VGLL4: variants seen among roughly 807,000 people sequenced by gnomAD.
VGLL4 encodes vestigial like family member 4.
Under a neutral mutation model 21.0 loss-of-function variants are expected in VGLL4, and 7 were observed. The observed-to-expected ratio is 0.33, with a 90% confidence interval of 0.19 to 0.63. VGLL4 has a LOEUF of 0.63. Ranked by LOEUF, VGLL4 falls within the 20% of genes least tolerant of loss-of-function variation. VGLL4 has a pLI of 0.78. For synonymous variants in VGLL4, 222 were observed against 173.2 expected, an observed-to-expected ratio of 1.28 and a Z score of -2.21; for missense variants, 394 against 425.7, an observed-to-expected ratio of 0.93 and a Z score of 0.66.
chr3:11,610,281 C>A (rs1215896094), intron 1 of VGLL4: 2 of 152,246 alleles, frequency 1.3e-5, no homozygotes, highest in Non-Finnish European at 2.9e-5. Flanking sequence ...ACTTCTTTGT[C>A]TCACGGTCGA....
chr3:11,643,367 G>A (rs1352165258), intron 1 of VGLL4, 70 bp downstream of exon 1: 2 of 1,611,300 alleles, frequency 1.2e-6, no homozygotes, highest in Non-Finnish European at 8.5e-7. Context: ...TTAGAAGGCA[G>A]GCACCCAGCA....
chr3:11,563,997 A>G (rs1280657313), intron 3 of VGLL4, among the ~76,000 whole-genome samples: 2 of 152,174 alleles, frequency 1.3e-5, no homozygotes, highest in Non-Finnish European at 2.9e-5. Flanking sequence ...TTGCAGCTGA[A>G]TGCACAGAGC....
At chr3:11,642,079 G>A (rs1442332757) in intron 1 of VGLL4, among the ~76,000 whole-genome samples, 4 of 151,708 alleles carry the variant, frequency 2.6e-5, no homozygotes, top group Admixed American at 2.6e-4. Flanking sequence ...AATGTCACGG[G>A]AAACAAGCCC....
chr3:11,589,748 G>A (rs1045412985), intron 2 of VGLL4, among the ~76,000 whole-genome samples: 5 of 152,178 alleles, frequency 3.3e-5, no homozygotes, highest in Admixed American at 2.0e-4. Context: ...CGCTTTTCCC[G>A]GCCTAGAGAC....
At chr3:11,717,171 T>C (rs941828268) in intron 1 of VGLL4, among the ~76,000 whole-genome samples, 1 of 151,258 alleles carries the variant, frequency 6.6e-6, no homozygotes, top group African/African-American at 2.5e-5. Flanking sequence ...TTATATATTT[T>C]TGTGCTTTTT....
intron 2 of VGLL4, among the ~76,000 whole-genome samples, chr3:11,572,815 T>C (rs1299648013): frequency 6.6e-6 from 1 of 152,174 alleles, no homozygotes; most frequent in African/African-American, 2.4e-5. Flanking sequence ...CACCACTGCA[T>C]ATGTACCCGT....
intron 1 of VGLL4, among the ~76,000 whole-genome samples, chr3:11,713,568 T>TTATATATATA (rs10690353): frequency 0.02 from 2,792 of 140,130 alleles, 72 homozygotes; most frequent in African/African-American, 0.059. Context: ...TATATATTAT[T>TTATATATATA]TATATATATA....
intron 2 of VGLL4, among the ~76,000 whole-genome samples, chr3:11,690,904 TCAA>T (rs1240670809): frequency 2.0e-5 from 3 of 152,092 alleles, no homozygotes; most frequent in Non-Finnish European, 2.9e-5. Context: ...AGATGCCAAG[TCAA>T]CGAGTATTTC....
At chr3:11,631,099 C>T (rs766061158) in intron 1 of VGLL4, among the ~76,000 whole-genome samples, 4 of 152,176 alleles carry the variant, frequency 2.6e-5, no homozygotes, top group South Asian at 2.1e-4. Flanking sequence ...AGAAACACTA[C>T]GTTAGGCACA....
intron 1 of VGLL4, chr3:11,611,880 G>A (rs1199648985): frequency 6.6e-6 from 1 of 151,864 alleles, no homozygotes; most frequent in Non-Finnish European, 1.5e-5. Context: ...GACTAGGTTT[G>A]TGTTCACAAA....
At position 11,702,347 on chromosome 3, in the gene VGLL4, C is replaced by T. The variant is rs1575545115; in HGVS notation, c.64+624G>A. Among the ~76,000 whole-genome samples the T allele has an allele frequency of 2.0e-5, 3 of 151,458 alleles. No individual in the cohort carries two copies. The South Asian group carries it at 6.3e-4, about 32-fold the overall frequency. ...GATTAAGGCCAGACGTGGCAGCTCC[C>T]GTGTGTAATCCCAGAATTTTGGGAG... On this transcript the variant is annotated intron_variant, in intron 2 of 5. Transcript: ENST00000273038.
At chr3:11,645,161 A>G (rs2125335393), upstream of VGLL4, among the ~76,000 whole-genome samples, 2 of 149,936 alleles carry the variant, frequency 1.3e-5, no homozygotes, top group Admixed American at 1.3e-4. Context: ...TTCAGTTTTC[A>G]GCACATCAAG....
At chr3:11,612,156 C>A (rs1017756011) in intron 1 of VGLL4, 2 of 152,146 alleles carry the variant, frequency 1.3e-5, no homozygotes, top group Admixed American at 1.3e-4. Context: ...CCAAAAAGCA[C>A]TAAAAATACT....
chr3:11,713,568 T>TTTTATATATATATATA (rs149323078), intron 1 of VGLL4, among the ~76,000 whole-genome samples: 1 of 140,294 alleles, frequency 7.1e-6, no homozygotes, highest in African/African-American at 2.7e-5. Context: ...TATATATTAT[T>TTTTATATATATATATA]TATATATATA....
intron 2 of VGLL4, among the ~76,000 whole-genome samples, chr3:11,689,580 T>C (rs1365780101): frequency 6.6e-6 from 1 of 152,224 alleles, no homozygotes; most frequent in Non-Finnish European, 1.5e-5. Flanking sequence ...TGGCTTCTGC[T>C]ATGCGCCCCA....
At chr3:11,578,611 GTAA>G (rs1037111084) in intron 2 of VGLL4, among the ~76,000 whole-genome samples, 4 of 149,032 alleles carry the variant, frequency 2.7e-5, no homozygotes, top group African/African-American at 5.0e-5. Context: ...AAAAAAAAAA[GTAA>G]TAATAATAAA....
intron 2 of VGLL4, among the ~76,000 whole-genome samples, chr3:11,588,599 G>T (rs555726976): frequency 6.6e-6 from 1 of 152,248 alleles, no homozygotes; most frequent in Non-Finnish European, 1.5e-5. Context: ...GGGCACTGCC[G>T]TGCAAACAGG....
intron 1 of VGLL4, among the ~76,000 whole-genome samples, chr3:11,621,518 T>C (rs1450465058): frequency 6.6e-6 from 1 of 152,256 alleles, no homozygotes; most frequent in Non-Finnish European, 1.5e-5. Flanking sequence ...TTTCTTCATA[T>C]TGCCAAATAA....
At chr3:11,714,272 G>A (rs1342952253) in intron 1 of VGLL4, among the ~76,000 whole-genome samples, 3 of 152,136 alleles carry the variant, frequency 2.0e-5, no homozygotes, top group African/African-American at 7.2e-5. Context: ...GTGTCCCATG[G>A]AAAGTGACTA....
Sources: gnomAD v4.1 joint callset for allele counts (sites outside exome capture counted in the v4.1 genomes callset) on GRCh38, gnomAD v4.1.1 for gene constraint, MANE v1.5 for transcripts, NCBI Gene and HGNC (gene_info 2026-07-23, HGNC 2026-07-21) for gene names.